TRABD2B: variants seen among roughly 807,000 people sequenced by gnomAD.
The protein encoded by TRABD2B is TraB domain containing 2B, also known as metalloprotease TIKI2.
A neutral mutation model predicts 40.1 loss-of-function variants in TRABD2B; 14 were observed. The ratio of observed to expected loss-of-function variants is 0.35; its 90% CI spans 0.23 to 0.55. The LOEUF is 0.55. TRABD2B is among the 20% of genes least tolerant of loss of function. The pLI is 0.90. For synonymous variants in TRABD2B, 263 were observed against 277.0 expected (o/e 0.95, Z 0.50); for missense variants, 541 against 648.6 (o/e 0.83, Z 1.80).
intron 2 of TRABD2B, among the ~76,000 whole-genome samples, chr1:47,992,883 G>A (rs543392957): frequency 6.6e-6 from 1 of 152,300 alleles, no homozygotes; most frequent in South Asian, 2.1e-4. Flanking sequence ...CGACAAACCC[G>A]CCTTTCATTT....
At chr1:47,872,294 T>G (rs11211622) in intron 2 of TRABD2B, among the ~76,000 whole-genome samples, 1 of 151,978 alleles carries the variant, frequency 6.6e-6, no homozygotes, top group African/African-American at 2.4e-5. Flanking sequence ...GGCTTGCAAG[T>G]CTGGCTGTTG....
At chr1:47,920,800 A>G (rs1644892094) in intron 2 of TRABD2B, among the ~76,000 whole-genome samples, 1 of 152,192 alleles carries the variant, frequency 6.6e-6, no homozygotes, top group Non-Finnish European at 1.5e-5. Context: ...GGATGAATGA[A>G]TGAATGACAC....
chr1:47,971,810 A>G (rs1645686120), intron 2 of TRABD2B, among the ~76,000 whole-genome samples: 1 of 152,172 alleles, frequency 6.6e-6, no homozygotes, highest in Non-Finnish European at 1.5e-5. Flanking sequence ...TTTTCTTTCC[A>G]TTCCCACCAC....
At chr1:47,955,381 C>T (rs1236116862) in intron 2 of TRABD2B, among the ~76,000 whole-genome samples, 1 of 152,158 alleles carries the variant, frequency 6.6e-6, no homozygotes, top group Non-Finnish European at 1.5e-5. Context: ...GTACAGACTC[C>T]ACGTCACCAT....
At chr1:47,844,472 G>A (rs954249085) in intron 2 of TRABD2B, among the ~76,000 whole-genome samples, 7 of 152,156 alleles carry the variant, frequency 4.6e-5, no homozygotes, top group Admixed American at 1.3e-4. Flanking sequence ...CCCAGATGCC[G>A]TTAGCCCTCC....
At chr1:47,920,704 AACTCCCTGCAGGGCAGAG>A (rs1389391963) in intron 2 of TRABD2B, among the ~76,000 whole-genome samples, 1 of 152,224 alleles carries the variant, frequency 6.6e-6, no homozygotes, top group Non-Finnish European at 1.5e-5. Flanking sequence ...CCTGAGCTGT[AACTCCCTGCAGGGCAGAG>A]ACCCTCTTTT....
chr1:47,811,715 TAGCTTTCAGTAC>T (rs1254050302), intron 2 of TRABD2B, among the ~76,000 whole-genome samples: 1 of 152,196 alleles, frequency 6.6e-6, no homozygotes, highest in African/African-American at 2.4e-5. Context: ...CCTTCGATTT[TAGCTTTCAGTAC>T]AGCTAAGTCC....
chr1:47,959,200 C>G (rs1384469224), intron 2 of TRABD2B, among the ~76,000 whole-genome samples: 1 of 152,082 alleles, frequency 6.6e-6, no homozygotes, highest in Non-Finnish European at 1.5e-5. Flanking sequence ...ATCTCTGGGA[C>G]ACATTTAAAG....
intron 4 of TRABD2B, among the ~76,000 whole-genome samples, chr1:47,793,535 G>A (rs1019114639): frequency 3.9e-5 from 6 of 152,240 alleles, no homozygotes; most frequent in Non-Finnish European, 8.8e-5. Context: ...CCTGGAGGGC[G>A]GCATGAGGGT....
chr1:47,820,734 G>A (rs1037589997), intron 2 of TRABD2B, among the ~76,000 whole-genome samples: 8 of 150,862 alleles, frequency 5.3e-5, no homozygotes, highest in Non-Finnish European at 8.8e-5. Context: ...GAATAGCAAC[G>A]TTAAGGCAAC....
At chr1:47,784,831 G>A (rs1332692786) in intron 4 of TRABD2B, among the ~76,000 whole-genome samples, 1 of 152,224 alleles carries the variant, frequency 6.6e-6, no homozygotes, top group East Asian at 1.9e-4. Flanking sequence ...AGTGGGGCCT[G>A]AGATGACACC....
intron 2 of TRABD2B, among the ~76,000 whole-genome samples, chr1:47,842,114 C>T (rs898936968): frequency 6.6e-6 from 1 of 152,188 alleles, no homozygotes; most frequent in Non-Finnish European, 1.5e-5. Flanking sequence ...ACAAAGCTGG[C>T]TCCTGTGAAA....
At chr1:47,801,769 T>C (rs1644827001) in intron 2 of TRABD2B, 150 bp from the exon 3 acceptor site, 1 of 983,884 alleles carries the variant, frequency 1.0e-6, no homozygotes, top group African/African-American at 1.6e-5. Context: ...AGGCTGTGTG[T>C]TTCCAGTTTC....
At chr1:47,870,587 C>T (rs942425436) in intron 2 of TRABD2B, among the ~76,000 whole-genome samples, 4 of 152,182 alleles carry the variant, frequency 2.6e-5, no homozygotes, top group African/African-American at 7.2e-5. Flanking sequence ...CCAGCACACA[C>T]GGAAGGAAGG....
At chr1:47,797,827 T>G (rs540245988) in intron 3 of TRABD2B, among the ~76,000 whole-genome samples, 1 of 152,262 alleles carries the variant, frequency 6.6e-6, no homozygotes, top group African/African-American at 2.4e-5. Context: ...AATGACATTT[T>G]AAAGAGGACA....
At chr1:47,884,720 A>T (rs1052337664) in intron 2 of TRABD2B, among the ~76,000 whole-genome samples, 2 of 151,990 alleles carry the variant, frequency 1.3e-5, no homozygotes, top group African/African-American at 2.4e-5. Flanking sequence ...GGTTCAAGCG[A>T]TTCTCCAGCC....
intron 4 of TRABD2B, among the ~76,000 whole-genome samples, chr1:47,792,573 TGCCTGTGTGCTG>T (rs1471570643): frequency 6.6e-6 from 1 of 152,208 alleles, no homozygotes; most frequent in Non-Finnish European, 1.5e-5. Context: ...GCGTTTGGCA[TGCCTGTGTGCTG>T]GCCTGTTGCT....
intron 2 of TRABD2B, among the ~76,000 whole-genome samples, chr1:47,989,538 G>C (rs912336736): frequency 6.6e-6 from 1 of 152,110 alleles, no homozygotes; most frequent in Non-Finnish European, 1.5e-5. Flanking sequence ...GCCTATATTG[G>C]GGGGTGTGTG....
intron 2 of TRABD2B, among the ~76,000 whole-genome samples, chr1:47,826,279 G>A (rs1366863779): frequency 2.0e-5 from 3 of 152,184 alleles, no homozygotes; most frequent in South Asian, 4.2e-4. Context: ...CATTGTGTTT[G>A]GTTGTGGTTT....
Sources: allele counts gnomAD v4.1 joint callset (sites outside exome capture counted in the v4.1 genomes callset), GRCh38; gene constraint gnomAD v4.1.1; transcripts MANE v1.5; gene names NCBI Gene and HGNC (gene_info 2026-07-23, HGNC 2026-07-21).